The following CASP9 variants were observed in gnomAD, a reference collection of about 807,000 sequenced individuals.
CASP9 encodes caspase-9.
In CASP9, 29 loss-of-function variants were observed where a neutral mutation model predicts 43.5. The ratio of observed to expected loss-of-function variants is 0.67; its 90% CI spans 0.50 to 0.91. The LOEUF is 0.91. Among genes scored for constraint, CASP9 ranks in the 40% least tolerant of loss-of-function variants. The pLI is 0.00. For missense variants in CASP9, 575 were observed against 537.4 expected (o/e 1.07, Z -0.69); for synonymous variants, 206 against 211.9 (o/e 0.97, Z 0.24).
chr1:15,524,594 GC>G, upstream of CASP9: 1 of 832,974 alleles, frequency 1.2e-6, no homozygotes, highest in Non-Finnish European at 1.4e-6. Flanking sequence ...TCACGTCACC[GC>G]CCCGCCCCCG....
intron 6 of CASP9, among the ~76,000 whole-genome samples, chr1:15,502,727 A>G (rs1225254123): frequency 6.6e-6 from 1 of 152,214 alleles, no homozygotes; most frequent in Non-Finnish European, 1.5e-5. Flanking sequence ...GAGGAGCACA[A>G]GACTGACTAA....
intron 1 of CASP9, among the ~76,000 whole-genome samples, chr1:15,523,468 C>T (rs1710296139): frequency 6.6e-6 from 1 of 152,236 alleles, no homozygotes; most frequent in African/African-American, 2.4e-5. Flanking sequence ...TCCTTCCTCG[C>T]AAGTATTAAC....
chr1:15,506,686 G>A lies in CASP9; in HGVS notation c.630+213C>T, dbSNP rs117055638. On this transcript the variant is annotated intron_variant, in intron 4 of 8. Coordinates refer to ENST00000333868, the MANE Select transcript of CASP9 (RefSeq NM_001229.5). ...TCCAGACAAGGAAACTGAGGCACAG[G>A]AGGTCACACAGCAGGTGGCCGAGAG... is the stretch of plus-strand genomic sequence containing the variant. 8.7e-4 allele frequency among the ~76,000 whole-genome samples: 132 copies of A among 152,296 alleles called. 2 individuals are homozygous for A. The East Asian group carries it at 0.022, about 26-fold the overall frequency.
At chr1:15,500,519 G>A (rs1470672113) in intron 6 of CASP9, among the ~76,000 whole-genome samples, 1 of 152,202 alleles carries the variant, frequency 6.6e-6, no homozygotes, top group Non-Finnish European at 1.5e-5. Flanking sequence ...TCTCCCAGCT[G>A]ATATGAGGGG....
chr1:15,507,927 G>T lies in CASP9; in HGVS notation c.419-20C>A, dbSNP rs1456761875. On this transcript the variant is annotated intron_variant, in intron 2 of 8. Transcript: ENST00000333868. ...GAGCACCTGAAGAGGCAGAGAAAGA[G>T]AGAAACATGAATGTTGGGTTACAGC... 6.2e-7 allele frequency: 1 copy of T among 1,613,846 alleles called. No individual in the cohort carries two copies. The highest frequency in any genetic ancestry group is 8.5e-7 in the Non-Finnish European group (1 of 1,179,842).
intron 2 of CASP9, 113 bp from the exon 3 acceptor site, chr1:15,508,020 A>G (rs929393756): frequency 1.9e-6 from 2 of 1,070,476 alleles, no homozygotes; most frequent in African/African-American, 3.1e-5. Context: ...TCAGACCCTC[A>G]GACTCTGCTG....
intron 1 of CASP9, 26 bp downstream of exon 1, chr1:15,524,043 G>A (rs1710328998): frequency 7.0e-7 from 1 of 1,418,766 alleles, no homozygotes; most frequent in South Asian, 1.3e-5. Context: ...GCCGTGCAGC[G>A]CGGGGACAGG....
At position 15,516,683 on chromosome 1, in the gene CASP9, G is replaced by C. The variant is rs145933869; in HGVS notation, c.418+1427C>G. ...AAGTATAAGTTGGTAGCATCTATCG[G>C]ACAGGAACAAGTACCCTTTAACACA... On this transcript the variant is annotated intron_variant, in intron 2 of 8. Transcript: ENST00000333868. Among the ~76,000 whole-genome samples the C allele has an allele frequency of 2.7e-3, 415 of 152,196 alleles. 3 individuals are homozygous for C. The highest frequency in any genetic ancestry group is 9.2e-3 in the African/African-American group (384 of 41,540).
In CASP9 at chr1:15,504,507, T is replaced by C. The variant is rs4646052; in HGVS notation, c.868+104A>G. The C allele has an allele frequency of 1.0e-3, 1,232 of 1,224,548 alleles. 2 individuals carry two copies. The highest frequency in any genetic ancestry group is 5.7e-3 in the Admixed American group (210 of 37,142). The allele number at this position is 1,224,548 out of a possible 1,614,324, so 75.9% of individuals were successfully genotyped here. A position where few individuals can be genotyped will look rare whatever the true frequency, so the allele number is the denominator to read the frequency against. ...CCATGTGTGGTACCCTCTGACTGCCTGGAGAGACCTCATGGGCCCTGTGAG... is the reference window on the plus strand; with the variant it reads ...CCATGTGTGGTACCCTCTGACTGCCCGGAGAGACCTCATGGGCCCTGTGAG... On this transcript the variant is annotated intron_variant, in intron 6 of 8. Coordinates refer to ENST00000333868, the MANE Select transcript of CASP9 (RefSeq NM_001229.5).
intron 1 of CASP9, among the ~76,000 whole-genome samples, chr1:15,519,349 T>A (rs1254061011): frequency 6.6e-6 from 1 of 152,044 alleles, no homozygotes; most frequent in African/African-American, 2.4e-5. Flanking sequence ...CTGGCTAATG[T>A]TTGTATTTTT....
intron 2 of CASP9, among the ~76,000 whole-genome samples, chr1:15,509,984 G>A (rs766230194): frequency 1.3e-5 from 2 of 152,122 alleles, no homozygotes; most frequent in Non-Finnish European, 2.9e-5. Flanking sequence ...AGGCTGGAGT[G>A]CAGTGGCGCG....
chr1:15,495,149 T>C, intron 7 of CASP9, 124 bp downstream of exon 7: 1 of 900,240 alleles, frequency 1.1e-6, no homozygotes, highest in Admixed American at 3.0e-5. Context: ...TTGCTCAGGG[T>C]CACAGAGGGG....
intron 2 of CASP9, among the ~76,000 whole-genome samples, chr1:15,508,832 C>T (rs1709624356): frequency 6.6e-6 from 1 of 152,220 alleles, no homozygotes; most frequent in Non-Finnish European, 1.5e-5. Context: ...AAAAGGGCTA[C>T]CAGGGGGCCA....
At chr1:15,500,347 C>T (rs1709277335) in intron 6 of CASP9, among the ~76,000 whole-genome samples, 2 of 152,110 alleles carry the variant, frequency 1.3e-5, no homozygotes, top group African/African-American at 2.4e-5. Flanking sequence ...GTTTGCATGG[C>T]TGGATCTATG....
chr1:15,521,851 G>A (rs577094309), intron 1 of CASP9, among the ~76,000 whole-genome samples: 18 of 152,000 alleles, frequency 1.2e-4, no homozygotes, highest in Non-Finnish European at 2.4e-4. Context: ...AAACCCACAG[G>A]CCCTGTAAGG....
At chr1:15,504,487 T>C in intron 6 of CASP9, 124 bp downstream of exon 6, 1 of 944,618 alleles carries the variant, frequency 1.1e-6, no homozygotes, top group Non-Finnish European at 1.6e-6. Flanking sequence ...AGGGACCATG[T>C]GTGGTACCCT....
In CASP9 at chr1:15,495,478, CTT is replaced by C. The variant is rs2308944; in HGVS notation, c.869-28_869-27del. 1,200 of 1,541,030 alleles carry C rather than the reference CTT, an allele frequency of 7.8e-4. 9 individuals carry two copies. The African/African-American group carries it at 0.015, about 20-fold the overall frequency. On this transcript the variant is annotated intron_variant, in intron 6 of 8. Transcript: ENST00000333868. The stretch of plus-strand genomic sequence containing the variant: ...CTGCAGGAAGCAGAAACAAACACCT[CTT>C]GTCATTGAAATACACAGACAAGGAT...
intron 2 of CASP9, among the ~76,000 whole-genome samples, chr1:15,512,697 T>C (rs1709802493): frequency 6.6e-6 from 1 of 152,102 alleles, no homozygotes; most frequent in Non-Finnish European, 1.5e-5. Flanking sequence ...ACAAAAAAAA[T>C]GCATATATCT....
Position 15,514,151 on chromosome 1 carries a change from G to T in CASP9, c.418+3959C>A, listed in dbSNP as rs1253436416. 2.6e-5 allele frequency among the ~76,000 whole-genome samples: 4 copies of T among 152,086 alleles called. No individual in the cohort carries two copies. In the East Asian group the frequency reaches 7.7e-4, roughly 29 times the overall value. On this transcript the variant is annotated intron_variant, in intron 2 of 8. Coordinates refer to ENST00000333868, the MANE Select transcript of CASP9 (RefSeq NM_001229.5). Reference sequence around the variant, plus strand: ...GTGCAGAGCTACTCTGTACACTGTTGGGTTTTGGCAGCATCTCTGTCTACC... The same window carrying T: ...GTGCAGAGCTACTCTGTACACTGTTTGGTTTTGGCAGCATCTCTGTCTACC...
Sources: gnomAD v4.1 joint callset for allele counts (sites outside exome capture counted in the v4.1 genomes callset) on GRCh38, gnomAD v4.1.1 for gene constraint, MANE v1.5 for transcripts, NCBI Gene and HGNC (gene_info 2026-07-23, HGNC 2026-07-21) for gene names.